KLHL20: variants seen among roughly 807,000 people sequenced by gnomAD.
The protein encoded by KLHL20 is kelch like family member 20.
In KLHL20, 29 loss-of-function variants were observed where a neutral mutation model predicts 69.5. The observed-to-expected ratio is 0.42, with a 90% confidence interval of 0.31 to 0.57. KLHL20 has a LOEUF of 0.57. Among genes scored for constraint, KLHL20 ranks in the 20% least tolerant of loss-of-function variants. The pLI, the probability that KLHL20 is intolerant of heterozygous loss-of-function variation, is 0.18. For missense variants in KLHL20, 419 were observed against 776.0 expected (o/e 0.54, Z 5.47); for synonymous variants, 253 against 265.2 (o/e 0.95, Z 0.45).
chr1:173,738,245 C>G (rs1358131429), intron 3 of KLHL20, among the ~76,000 whole-genome samples: 1 of 152,040 alleles, frequency 6.6e-6, no homozygotes, highest in Admixed American at 6.6e-5. Context: ...TGCTTTGTCC[C>G]CCAGCTTTGA....
At chr1:173,738,001 T>G (rs1672617207) in intron 3 of KLHL20, among the ~76,000 whole-genome samples, 1 of 152,026 alleles carries the variant, frequency 6.6e-6, no homozygotes. Context: ...CTTGATTTGA[T>G]TCTCAGCTTG....
At chr1:173,780,350 A>G (rs1291920694) in intron 10 of KLHL20, among the ~76,000 whole-genome samples, 3 of 152,254 alleles carry the variant, frequency 2.0e-5, no homozygotes, top group African/African-American at 7.2e-5. Flanking sequence ...TATATATTTT[A>G]TAGAAGAACA....
At position 173,757,024 on chromosome 1, in the gene KLHL20, A is replaced by T; in HGVS notation, c.1016A>T (p.Asp339Val). The change falls in exon 7 of 12, where the codon GAT (aspartate) becomes GTT (valine). Residue 339 changes from aspartate to valine, a missense_variant. Around this residue, in one of 6 missense-constraint regions of KLHL20, gnomAD observed 24 missense variants for 22.5 expected, o/e 1.07. Transcript: ENST00000209884. ...GCCATTTCCAGTGTTGAACGATATG[A>T]TCCACAGACCAATGAATGGAGAATG... ...GDAISSVERY[D>V]PQTNEWRMVA... The T allele has an allele frequency of 6.2e-7, 1 of 1,614,186 alleles. No individual in the cohort carries two copies. Among genetic ancestry groups the T allele is most frequent in the Non-Finnish European group, 8.5e-7 (1 of 1,180,026 alleles).
intron 7 of KLHL20, among the ~76,000 whole-genome samples, chr1:173,757,766 A>C (rs1673616740): frequency 6.6e-6 from 1 of 152,176 alleles, no homozygotes; most frequent in African/African-American, 2.4e-5. Flanking sequence ...TGAGTTAGTT[A>C]CTAGTTACTT....
At chr1:173,736,001 A>G (rs959017849) in intron 3 of KLHL20, among the ~76,000 whole-genome samples, 3 of 142,326 alleles carry the variant, frequency 2.1e-5, no homozygotes, top group African/African-American at 5.3e-5. Context: ...CTGGAGTGCA[A>G]CGGGGCTCAA....
chr1:173,781,760 G>A (rs745733473), intron 10 of KLHL20, among the ~76,000 whole-genome samples: 2 of 152,106 alleles, frequency 1.3e-5, no homozygotes, highest in East Asian at 3.8e-4. Context: ...GAGGTACCAT[G>A]CCTGGCCTAG....
intron 10 of KLHL20, among the ~76,000 whole-genome samples, chr1:173,781,473 A>C (rs1480202145): frequency 6.6e-6 from 1 of 151,794 alleles, no homozygotes; most frequent in African/African-American, 2.4e-5. Flanking sequence ...GCCCCACCAC[A>C]CCCAGCTAAT....
chr1:173,729,598 C>A (rs558912381), intron 2 of KLHL20, among the ~76,000 whole-genome samples: 1 of 152,108 alleles, frequency 6.6e-6, no homozygotes, highest in Non-Finnish European at 1.5e-5. Context: ...TAATCAGTTA[C>A]ATAAACAGAA....
At chr1:173,773,247 C>T (rs1309049161) in intron 8 of KLHL20, among the ~76,000 whole-genome samples, 1 of 151,046 alleles carries the variant, frequency 6.6e-6, no homozygotes, top group African/African-American at 2.4e-5. Context: ...GCTGGGATTA[C>T]AGGCATGAGC....
chr1:173,767,438 T>C (rs1450242169), intron 8 of KLHL20, among the ~76,000 whole-genome samples: 1 of 152,180 alleles, frequency 6.6e-6, no homozygotes, highest in African/African-American at 2.4e-5. Flanking sequence ...GATAGTTCTA[T>C]TTTTAATTTT....
chr1:173,731,364 T>G (rs1195471144), intron 2 of KLHL20, among the ~76,000 whole-genome samples: 1 of 152,158 alleles, frequency 6.6e-6, no homozygotes, highest in Non-Finnish European at 1.5e-5. Flanking sequence ...ATCCCAATAC[T>G]GGGTATATAC....
At chr1:173,727,815 A>T (rs536993565) in intron 2 of KLHL20, among the ~76,000 whole-genome samples, 2 of 152,206 alleles carry the variant, frequency 1.3e-5, no homozygotes, top group African/African-American at 4.8e-5. Flanking sequence ...TGTAAATACC[A>T]TCAAGGCTAG....
At chr1:173,725,153 A>T (rs891435025) in intron 2 of KLHL20, among the ~76,000 whole-genome samples, 2 of 152,170 alleles carry the variant, frequency 1.3e-5, no homozygotes, top group Non-Finnish European at 2.9e-5. Flanking sequence ...TGGATAATAC[A>T]TAAGAAAAAA....
At chr1:173,770,371 T>A (rs1174559221) in intron 8 of KLHL20, among the ~76,000 whole-genome samples, 1 of 151,632 alleles carries the variant, frequency 6.6e-6, no homozygotes, top group Admixed American at 6.6e-5. Context: ...ATAAGACAAA[T>A]AGAAGGCGAA....
At chr1:173,782,085 C>T (rs755423995) in intron 10 of KLHL20, 39 bp from the exon 11 acceptor site, 4 of 1,388,700 alleles carry the variant, frequency 2.9e-6, no homozygotes, top group Non-Finnish European at 1.0e-6. Context: ...TTACGATTGT[C>T]TAGTTTCTTC....
intron 3 of KLHL20, among the ~76,000 whole-genome samples, chr1:173,750,580 C>T (rs548730697): frequency 1.3e-5 from 2 of 151,540 alleles, no homozygotes; most frequent in East Asian, 1.9e-4. Flanking sequence ...CTGTCTCCCG[C>T]GTTCAAGTGA....
intron 3 of KLHL20, among the ~76,000 whole-genome samples, chr1:173,745,383 G>A (rs1571886693): frequency 2.0e-5 from 3 of 151,574 alleles, no homozygotes; most frequent in Non-Finnish European, 4.4e-5. Flanking sequence ...GGCTGGTCTC[G>A]AATGCCTGAC....
At chr1:173,768,926 T>C (rs1024673374) in intron 8 of KLHL20, among the ~76,000 whole-genome samples, 2 of 152,226 alleles carry the variant, frequency 1.3e-5, no homozygotes, top group African/African-American at 4.8e-5. Context: ...ATTGGATGTC[T>C]GACAGATCTA....
At chr1:173,715,803 T>TAA (rs1374626332) in intron 1 of KLHL20, 200 bp from the exon 2 acceptor site, 1 of 483,128 alleles carries the variant, frequency 2.1e-6, no homozygotes, top group Non-Finnish European at 3.7e-6. Flanking sequence ...ACCTTTACTT[T>TAA]AATCGTTTTA....
Sources: gnomAD v4.1 joint callset for allele counts (sites outside exome capture counted in the v4.1 genomes callset) on GRCh38, gnomAD v4.1.1 for gene constraint, gnomAD v4.1.1 regional missense constraint, MANE v1.5 for transcripts, NCBI Gene and HGNC (gene_info 2026-07-23, HGNC 2026-07-21) for gene names.